The following HDX variants were observed in gnomAD, a reference collection of about 807,000 sequenced individuals.
HDX encodes highly divergent homeobox, also known as chromosome X open reading frame 43.
Under a neutral mutation model 45.2 loss-of-function variants are expected in HDX, and 19 were observed. The observed-to-expected ratio is 0.42, with a 90% CI of 0.29 to 0.62. The LOEUF (loss-of-function observed/expected upper bound fraction) is 0.62, where lower values mean the gene tolerates loss of function less well. Among genes scored for constraint, HDX ranks in the 20% least tolerant of loss-of-function variants. HDX has a pLI of 0.20. For missense variants in HDX, 532 were observed against 493.9 expected, an observed-to-expected ratio of 1.08 and a Z score of -0.73; for synonymous variants, 188 against 172.8, an observed-to-expected ratio of 1.09 and a Z score of -0.69.
intron 5 of HDX, among the ~76,000 whole-genome samples, chrX:84,422,557 C>G (rs2039280891): frequency 9.4e-6 from 1 of 106,050 alleles, no homozygotes; most frequent in Non-Finnish European, 1.9e-5. Context: ...AAAGGAAGAG[C>G]AAACCAAACC....
At chrX:84,432,732 A>G (rs1375340210) in intron 5 of HDX, among the ~76,000 whole-genome samples, 2 of 111,324 alleles carry the variant, frequency 1.8e-5, no homozygotes, top group African/African-American at 3.3e-5. Context: ...GGCAGAGACT[A>G]TGGGGTTCTT....
At chrX:84,349,403 ATGTGTGTGTGTGTGTGTGTG>A (rs58864600) in intron 6 of HDX, among the ~76,000 whole-genome samples, 91 of 68,490 alleles carry the variant, frequency 1.3e-3, no homozygotes, top group African/African-American at 4.7e-3. Context: ...ATATATATAT[ATGTGTGTGTGTGTGTGTGTG>A]TGTGTGTGTG....
At chrX:84,485,055 A>C (rs1460417767) in intron 2 of HDX, among the ~76,000 whole-genome samples, 2 of 111,937 alleles carry the variant, frequency 1.8e-5, no homozygotes, top group Non-Finnish European at 3.8e-5. Flanking sequence ...GCATTTCCAG[A>C]TATCTTTCTG....
In HDX at chrX:84,385,428, T is replaced by C. The variant is rs1274045600; in HGVS notation, c.1306-23816A>G. ...CGGGGTTTCACCGTTTTAGCCAGGA[T>C]GGTCTCAATCTCCTGACCTCGTGAT... On this transcript the variant is annotated intron_variant, in intron 5 of 10. Transcript: ENST00000373177. Among the ~76,000 whole-genome samples, 4 of 107,784 alleles carry C rather than the reference T, an allele frequency of 3.7e-5. No individual in the cohort carries two copies. In the Admixed American group the frequency reaches 4.0e-4, roughly 11 times the overall value. The allele number at this position is 107,784 out of a possible 115,157, so 93.6% of individuals were successfully genotyped here. A position where few individuals can be genotyped will look rare whatever the true frequency, so the allele number is the denominator to read the frequency against.
At chrX:84,435,273 T>C (rs1216722200) in intron 5 of HDX, among the ~76,000 whole-genome samples, 1 of 111,822 alleles carries the variant, frequency 8.9e-6, no homozygotes, top group African/African-American at 3.3e-5. Flanking sequence ...TGAGATGATA[T>C]CTCATAGTGG....
chrX:84,396,175 A>AGGG (rs1718509911), intron 5 of HDX, among the ~76,000 whole-genome samples: 1 of 112,364 alleles, frequency 8.9e-6, no homozygotes, highest in African/African-American at 3.2e-5. Flanking sequence ...ATGTAGTGTA[A>AGGG]CAATTGCTTC....
At chrX:84,469,795 T>C (rs1363739776) in intron 3 of HDX, among the ~76,000 whole-genome samples, 1 of 111,117 alleles carries the variant, frequency 9.0e-6, no homozygotes, top group Non-Finnish European at 1.9e-5. Context: ...GAAAACAGAG[T>C]GTATTATTGT....
At chrX:84,431,602 G>A (rs756543376) in intron 5 of HDX, among the ~76,000 whole-genome samples, 21 of 110,422 alleles carry the variant, frequency 1.9e-4, no homozygotes, top group Non-Finnish European at 3.8e-4. Context: ...ATGATTATGA[G>A]CATTTTCATA....
intron 2 of HDX, among the ~76,000 whole-genome samples, chrX:84,486,799 A>G (rs1302602349): frequency 1.8e-5 from 2 of 110,757 alleles, no homozygotes; most frequent in African/African-American, 6.6e-5. Context: ...CAGTTTGATT[A>G]TTAAGTGTCT....
chrX:84,409,895 G>GA (rs750298548), intron 5 of HDX, among the ~76,000 whole-genome samples: 1 of 105,330 alleles, frequency 9.5e-6, no homozygotes, highest in Admixed American at 1.0e-4. Flanking sequence ...TAAAAAAAAA[G>GA]AAAAAAAATT....
chrX:84,325,134 T>C (rs1462753256), intron 10 of HDX, among the ~76,000 whole-genome samples: 1 of 110,687 alleles, frequency 9.0e-6, no homozygotes, highest in Non-Finnish European at 1.9e-5. Flanking sequence ...TTGAGCCTCA[T>C]GAGTAAATTC....
At chrX:84,397,329 A>G (rs2038590123) in intron 5 of HDX, among the ~76,000 whole-genome samples, 2 of 111,607 alleles carry the variant, frequency 1.8e-5, no homozygotes, top group Admixed American at 1.9e-4. Context: ...GGGATCTGGG[A>G]TCTCAAAATG....
chrX:84,368,506 C>T (rs1456648853), intron 5 of HDX, among the ~76,000 whole-genome samples: 1 of 111,875 alleles, frequency 8.9e-6, no homozygotes, highest in African/African-American at 3.2e-5. Context: ...GGTGCAATAT[C>T]AGGTTCTCAA....
At chrX:84,442,403 A>T (rs1295638330) in intron 4 of HDX, among the ~76,000 whole-genome samples, 1 of 111,085 alleles carries the variant, frequency 9.0e-6, no homozygotes, top group Non-Finnish European at 1.9e-5. Context: ...AGTTACAAGT[A>T]TGCCAAAATG....
chrX:84,443,280 T>C (rs1157600653), intron 4 of HDX, among the ~76,000 whole-genome samples: 1 of 111,373 alleles, frequency 9.0e-6, no homozygotes, highest in Non-Finnish European at 1.9e-5. Flanking sequence ...GGTGAAATAT[T>C]GATGGTATAT....
At chrX:84,404,919 T>C (rs991901198) in intron 5 of HDX, among the ~76,000 whole-genome samples, 10 of 111,491 alleles carry the variant, frequency 9.0e-5, no homozygotes, top group African/African-American at 2.9e-4. Context: ...ACAGTTTTTC[T>C]ACTGGGTTTT....
chrX:84,427,940 T>C (rs1216399528), intron 5 of HDX, among the ~76,000 whole-genome samples: 1 of 110,964 alleles, frequency 9.0e-6, no homozygotes, highest in Non-Finnish European at 1.9e-5. Context: ...TTCCACATCC[T>C]CATCAACACT....
chrX:84,433,502 G>A (rs1475743394), intron 5 of HDX, among the ~76,000 whole-genome samples: 1 of 111,339 alleles, frequency 9.0e-6, no homozygotes, highest in Non-Finnish European at 1.9e-5. Context: ...CTGTAAGTAC[G>A]TGAATTAATT....
chrX:84,457,691 C>A (rs1174090689), intron 4 of HDX, among the ~76,000 whole-genome samples: 1 of 111,905 alleles, frequency 8.9e-6, no homozygotes, highest in Non-Finnish European at 1.9e-5. Flanking sequence ...CTAGCTGTAA[C>A]TTCTTCTGAT....
Sources: allele counts gnomAD v4.1 joint callset (sites outside exome capture counted in the v4.1 genomes callset), GRCh38; gene constraint gnomAD v4.1.1; transcripts MANE v1.5; gene names NCBI Gene and HGNC (gene_info 2026-07-23, HGNC 2026-07-21).